Variants in ABTB3 observed in about 807,000 individuals in gnomAD.
The protein encoded by ABTB3 is ankyrin repeat- and BTB/POZ domain-containing protein 3.
At chr12:107,442,025 C>A in the ABTB3 span, among the ~76,000 whole-genome samples, 1 of 152,144 alleles carries the variant, frequency 6.6e-6, no homozygotes, top group South Asian at 2.1e-4. Flanking sequence ...TGATTTCATT[C>A]CCAGAGACGC....
the ABTB3 span, among the ~76,000 whole-genome samples, chr12:107,620,328 C>A: frequency 6.6e-6 from 1 of 152,296 alleles, no homozygotes; most frequent in South Asian, 2.1e-4. Context: ...CCTGTGCACT[C>A]ATTTGTGGGC....
the ABTB3 span, among the ~76,000 whole-genome samples, chr12:107,441,954 G>T: frequency 6.6e-6 from 1 of 151,534 alleles, no homozygotes; most frequent in Non-Finnish European, 1.5e-5. Flanking sequence ...AAAAGAAAAA[G>T]GAAAAAGGAA....
the ABTB3 span, among the ~76,000 whole-genome samples, chr12:107,516,324 G>A: frequency 4.0e-5 from 6 of 151,758 alleles, no homozygotes; most frequent in Non-Finnish European, 7.4e-5. Context: ...TCCGCCTCCC[G>A]AGTTCAAGTG....
the ABTB3 span, among the ~76,000 whole-genome samples, chr12:107,579,888 T>C: frequency 6.6e-6 from 1 of 152,242 alleles, no homozygotes; most frequent in Non-Finnish European, 1.5e-5. Context: ...CAAAGTGTGG[T>C]ACTTGGCCCA....
chr12:107,594,320 A>G, the ABTB3 span, among the ~76,000 whole-genome samples: 2 of 152,208 alleles, frequency 1.3e-5, no homozygotes, highest in Non-Finnish European at 2.9e-5. Flanking sequence ...CAGAATTTCT[A>G]TCTTTTGGTA....
At chr12:107,353,246 G>A in the ABTB3 span, among the ~76,000 whole-genome samples, 1 of 152,072 alleles carries the variant, frequency 6.6e-6, no homozygotes, top group Non-Finnish European at 1.5e-5. Flanking sequence ...CTGGCTCTGA[G>A]CCCAGCATGG....
chr12:107,623,358 CTTTTTTT>C, the ABTB3 span, among the ~76,000 whole-genome samples: 1 of 69,624 alleles, frequency 1.4e-5, no homozygotes, highest in Non-Finnish European at 2.7e-5. Flanking sequence ...CACGCCTGGC[CTTTTTTT>C]TTTTTTTTTT....
the ABTB3 span, chr12:107,651,717 G>A: frequency 1.9e-5 from 31 of 1,614,032 alleles, no homozygotes; most frequent in Middle Eastern, 1.6e-4. Flanking sequence ...GCTTTGCAGC[G>A]ACACTGTGAG....
At chr12:107,574,372 AC>A in the ABTB3 span, among the ~76,000 whole-genome samples, 2 of 152,170 alleles carry the variant, frequency 1.3e-5, no homozygotes, top group Non-Finnish European at 2.9e-5. Context: ...GGTCATGGTT[AC>A]TCAAAATATG....
the ABTB3 span, chr12:107,620,246 C>A: frequency 6.5e-7 from 1 of 1,530,412 alleles, no homozygotes; most frequent in Non-Finnish European, 8.9e-7. Context: ...TTTTAGCCTG[C>A]TGTTCCCCTT....
At chr12:107,441,506 A>G in the ABTB3 span, among the ~76,000 whole-genome samples, 1 of 152,182 alleles carries the variant, frequency 6.6e-6, no homozygotes, top group African/African-American at 2.4e-5. Flanking sequence ...TAGCTAATGC[A>G]TGCTGGGCTT....
the ABTB3 span, among the ~76,000 whole-genome samples, chr12:107,497,686 C>T: frequency 1.3e-5 from 2 of 152,180 alleles, no homozygotes; most frequent in African/African-American, 4.8e-5. Context: ...TTCTCGCAAT[C>T]ATTCTCTGTC....
chr12:107,478,690 T>C, the ABTB3 span, among the ~76,000 whole-genome samples: 1 of 152,136 alleles, frequency 6.6e-6, no homozygotes, highest in Non-Finnish European at 1.5e-5. Context: ...CTCATTTTAA[T>C]ATACAACTAG....
the ABTB3 span, among the ~76,000 whole-genome samples, chr12:107,576,165 T>G: frequency 7.8e-4 from 119 of 152,268 alleles, 1 homozygote; most frequent in African/African-American, 2.8e-3. Context: ...TTGAAGCCCC[T>G]CTACTGAAGA....
chr12:107,462,593 G>T, the ABTB3 span, among the ~76,000 whole-genome samples: 2 of 152,016 alleles, frequency 1.3e-5, no homozygotes, highest in African/African-American at 4.8e-5. Flanking sequence ...TAGTGATTAT[G>T]GTGGTAGTGA....
At chr12:107,544,086 G>A in the ABTB3 span, 5 of 1,614,114 alleles carry the variant, frequency 3.1e-6, no homozygotes, top group East Asian at 4.5e-5. Flanking sequence ...GCCCACAAAT[G>A]GAATGGGAAA....
the ABTB3 span, among the ~76,000 whole-genome samples, chr12:107,545,500 C>T: frequency 2.0e-5 from 3 of 152,100 alleles, no homozygotes; most frequent in Non-Finnish European, 4.4e-5. Flanking sequence ...CTGCCTCATC[C>T]CTCAAAGTGC....
At chr12:107,526,248 A>G in the ABTB3 span, among the ~76,000 whole-genome samples, 7 of 152,270 alleles carry the variant, frequency 4.6e-5, no homozygotes, top group East Asian at 1.3e-3. Context: ...AAAATATTTC[A>G]CGGGTAAGCT....
chr12:107,394,814 C>A, the ABTB3 span, among the ~76,000 whole-genome samples: 1 of 152,204 alleles, frequency 6.6e-6, no homozygotes, highest in African/African-American at 2.4e-5. Context: ...TGATCATCAC[C>A]ACCAAAAAAC....
Sources: gnomAD v4.1 joint callset for allele counts (sites outside exome capture counted in the v4.1 genomes callset) on GRCh38, gnomAD v4.1.1 for gene constraint, MANE v1.5 for transcripts, NCBI Gene and HGNC (gene_info 2026-07-23, HGNC 2026-07-21) for gene names.